Variants in POFUT3 observed in about 807,000 individuals in gnomAD.
POFUT3 encodes the protein GDP-fucose protein O-fucosyltransferase 3.
At chr8:33,461,270 AT>A in the POFUT3 span, 4 of 1,323,976 alleles carry the variant, frequency 3.0e-6, no homozygotes, top group Non-Finnish European at 4.1e-6. Flanking sequence ...AACACCCCTG[AT>A]TCAGCAAAAA....
chr8:33,375,886 G>C, the POFUT3 span, among the ~76,000 whole-genome samples: 1 of 151,838 alleles, frequency 6.6e-6, no homozygotes, highest in Non-Finnish European at 1.5e-5. Context: ...GTGTGGTGGC[G>C]CGTGCCTGTA....
the POFUT3 span, among the ~76,000 whole-genome samples, chr8:33,364,296 C>G: frequency 6.6e-6 from 1 of 152,130 alleles, no homozygotes; most frequent in Admixed American, 6.5e-5. Context: ...CTATTTATAA[C>G]AAACCCACAG....
chr8:33,381,054 T>C, the POFUT3 span, among the ~76,000 whole-genome samples: 1 of 151,946 alleles, frequency 6.6e-6, no homozygotes, highest in Non-Finnish European at 1.5e-5. Context: ...GAAGGATCAC[T>C]TGAGCCCAGG....
chr8:33,435,363 A>G, the POFUT3 span, among the ~76,000 whole-genome samples: 2 of 151,790 alleles, frequency 1.3e-5, no homozygotes, highest in African/African-American at 2.4e-5. Flanking sequence ...GACTACAGGC[A>G]CACACCACCG....
chr8:33,360,471 A>AAAT, the POFUT3 span, among the ~76,000 whole-genome samples: 2 of 150,644 alleles, frequency 1.3e-5, no homozygotes, highest in African/African-American at 4.9e-5. Context: ...AAATAAAAAT[A>AAAT]AAATAAATAA....
At chr8:33,366,032 T>C in the POFUT3 span, among the ~76,000 whole-genome samples, 1 of 152,132 alleles carries the variant, frequency 6.6e-6, no homozygotes, top group East Asian at 1.9e-4. Context: ...ATAGACTGGA[T>C]TAAGAAACTG....
chr8:33,463,988 C>T, the POFUT3 span, among the ~76,000 whole-genome samples: 1 of 152,142 alleles, frequency 6.6e-6, no homozygotes, highest in Non-Finnish European at 1.5e-5. Context: ...GGTCTCAAGT[C>T]TGCCTGCCAG....
At chr8:33,356,635 G>C in the POFUT3 span, among the ~76,000 whole-genome samples, 681 of 152,194 alleles carry the variant, frequency 4.5e-3, 7 homozygotes, top group African/African-American at 0.015. Context: ...TGTTCACTCT[G>C]ATGGTAGTTT....
At chr8:33,336,562 A>G in the POFUT3 span, among the ~76,000 whole-genome samples, 1 of 152,170 alleles carries the variant, frequency 6.6e-6, no homozygotes, top group African/African-American at 2.4e-5. Context: ...CCAGGAAACC[A>G]CTGGGTCTGT....
chr8:33,352,423 G>A, the POFUT3 span, among the ~76,000 whole-genome samples: 1 of 152,158 alleles, frequency 6.6e-6, no homozygotes, highest in African/African-American at 2.4e-5. Context: ...TGACAAATCA[G>A]ATAAATGAAT....
chr8:33,403,935 C>A, the POFUT3 span, among the ~76,000 whole-genome samples: 16 of 152,246 alleles, frequency 1.1e-4, no homozygotes, highest in South Asian at 3.1e-3. Context: ...TTCTTGCTTC[C>A]TGTCTCAACT....
the POFUT3 span, chr8:33,389,163 T>C: frequency 9.3e-6 from 15 of 1,614,220 alleles, no homozygotes; most frequent in South Asian, 1.3e-4. Context: ...TCCAGTCGTC[T>C]GATGTAACTT....
chr8:33,311,875 C>T, the POFUT3 span, among the ~76,000 whole-genome samples: 23 of 152,064 alleles, frequency 1.5e-4, no homozygotes, highest in South Asian at 1.2e-3. Context: ...TGAACTTGAC[C>T]GTATTAGGAA....
the POFUT3 span, among the ~76,000 whole-genome samples, chr8:33,370,097 C>G: frequency 2.2e-5 from 3 of 138,938 alleles, no homozygotes; most frequent in South Asian, 4.6e-4. Context: ...TTTAGGAGGC[C>G]GAGGTGGGTG....
At chr8:33,457,353 G>C in the POFUT3 span, among the ~76,000 whole-genome samples, 3 of 152,062 alleles carry the variant, frequency 2.0e-5, no homozygotes, top group African/African-American at 4.8e-5. Context: ...AAAATTAGCT[G>C]TGCGTGGTGG....
chr8:33,339,326 A>G, the POFUT3 span, among the ~76,000 whole-genome samples: 8 of 152,184 alleles, frequency 5.3e-5, no homozygotes, highest in Non-Finnish European at 1.2e-4. Flanking sequence ...GTAAGAATGG[A>G]CGGGAAAGAG....
At chr8:33,337,813 C>T in the POFUT3 span, among the ~76,000 whole-genome samples, 3 of 152,188 alleles carry the variant, frequency 2.0e-5, no homozygotes, top group Non-Finnish European at 4.4e-5. Flanking sequence ...CGACTTATTG[C>T]TTAAACAATG....
the POFUT3 span, among the ~76,000 whole-genome samples, chr8:33,451,431 C>A: frequency 6.6e-6 from 1 of 150,576 alleles, no homozygotes; most frequent in South Asian, 2.1e-4. Flanking sequence ...TGTGTATATA[C>A]GTGTGTATAT....
At chr8:33,443,555 C>T in the POFUT3 span, among the ~76,000 whole-genome samples, 3 of 152,168 alleles carry the variant, frequency 2.0e-5, no homozygotes, top group African/African-American at 2.4e-5. Flanking sequence ...TGTAGTGGCA[C>T]GATCTTGGCT....
Sources: allele counts gnomAD v4.1 joint callset (sites outside exome capture counted in the v4.1 genomes callset), GRCh38; gene constraint gnomAD v4.1.1; transcripts MANE v1.5; gene names NCBI Gene and HGNC (gene_info 2026-07-23, HGNC 2026-07-21).